The following MRGPRX3 variants were observed in gnomAD, a reference collection of about 807,000 sequenced individuals.
MRGPRX3 encodes the protein mas-related G protein-coupled receptor member X3.
Under a neutral mutation model 16.5 loss-of-function variants are expected in MRGPRX3, and 14 were observed. That is an observed-to-expected ratio of 0.85 (90% CI 0.56 to 1.33). The LOEUF (loss-of-function observed/expected upper bound fraction) is 1.33. Ranked by LOEUF, MRGPRX3 falls within the 40% of genes most tolerant of loss-of-function variation. MRGPRX3 has a pLI of 0.00. For synonymous variants in MRGPRX3, 199 were observed against 180.1 expected (o/e 1.10, Z -0.84); for missense variants, 449 against 413.0 (o/e 1.09, Z -0.76).
At chr11:18,131,925 G>A (rs1232986137), upstream of MRGPRX3, among the ~76,000 whole-genome samples, 6 of 152,186 alleles carry the variant, frequency 3.9e-5, no homozygotes, top group Admixed American at 2.6e-4. Flanking sequence ...GAAGAGAGGC[G>A]AGGGATAAAA....
At position 18,137,872 on chromosome 11, in the gene MRGPRX3, GTCT is replaced by G; in HGVS notation, c.673_675del (p.Phe225del). 6.2e-7 allele frequency: 1 copy of G among 1,614,178 alleles called. No individual in the cohort carries two copies. The highest frequency in any genetic ancestry group is 8.5e-7 in the Non-Finnish European group (1 of 1,180,034). On this transcript the variant is annotated inframe_deletion, in exon 2 of 2. Transcript: ENST00000621697. The stretch of plus-strand genomic sequence containing the variant: ...CGTGACCATCCTCCTCACAGTGCTG[GTCT>G]TCCTCCTCTGTGGCCTGCCCTTTGG...
At position 18,137,264 on chromosome 11, in the gene MRGPRX3, C is replaced by A; in HGVS notation, c.62C>A (p.Thr21Asn). The change falls in exon 2 of 2, where the codon ACT (threonine) becomes AAT (asparagine). Residue 21 changes from threonine (T) to asparagine (N), a missense_variant. Physicochemically the swap from Thr to Asn is moderately conservative, Grantham distance 65. Transcript: ENST00000621697. ...ACACCAATCAACGGACGTGAGGAGA[C>A]TCCTTGCTACAAGCAGACCCTGAGC... ...ELTPINGREE[T>N]PCYKQTLSFT... 1 of 1,613,968 alleles carries A rather than the reference C, an allele frequency of 6.2e-7. No individual in the cohort carries two copies. The highest frequency in any genetic ancestry group is 8.5e-7 in the Non-Finnish European group (1 of 1,179,910).
chr11:18,129,930 A>G (rs1028758252), upstream of MRGPRX3, among the ~76,000 whole-genome samples: 3 of 152,214 alleles, frequency 2.0e-5, no homozygotes, highest in Admixed American at 6.5e-5. Context: ...AACAAAAATC[A>G]CATGATCATC....
rs376981532 is a variant in MRGPRX3, at chr11:18,123,668, C to T, written c.-152+2504C>T. ...TTGGCTTAGGATTGACTTGGCAACGCGGGCTCTTTTTTGCTTCCATATGAA... is the reference window on the plus strand; with the variant it reads ...TTGGCTTAGGATTGACTTGGCAACGTGGGCTCTTTTTTGCTTCCATATGAA... On this transcript the variant is annotated intron_variant, in intron 1 of 2. Transcript: ENST00000396275. 8.5e-4 allele frequency among the ~76,000 whole-genome samples: 129 copies of T among 152,194 alleles called. 1 individual carries two copies. In the Middle Eastern group the frequency reaches 0.01, roughly 12 times the overall value.
At chr11:18,136,183 T>C (rs201639475) in intron 1 of MRGPRX3, among the ~76,000 whole-genome samples, 3 of 152,344 alleles carry the variant, frequency 2.0e-5, no homozygotes, top group African/African-American at 7.2e-5. Flanking sequence ...TTGTGTATAC[T>C]CAGCAGAACA....
chr11:18,137,796 G>A lies in MRGPRX3; in HGVS notation c.594G>A (p.Leu198=), dbSNP rs1363258462. 4 of 1,613,958 alleles carry A rather than the reference G, an allele frequency of 2.5e-6. No homozygotes were observed. Among genetic ancestry groups the A allele is most frequent in the Non-Finnish European group, 3.4e-6 (4 of 1,179,986 alleles). The change falls in exon 2 of 2, where the codon CTG becomes CTA. Residue 198 remains leucine, a synonymous_variant. Transcript: ENST00000621697. Reference sequence around the variant, plus strand: ...TTCTCTGTGGGTCCAGCCTGGTCCTGCTGGTCAGGATTCTCTGTGGATCCC... The same window carrying A: ...TTCTCTGTGGGTCCAGCCTGGTCCTACTGGTCAGGATTCTCTGTGGATCCC... The part of the protein sequence containing the change: ...CVVLCGSSLV[L]LVRILCGSRK...
chr11:18,137,932 C>T lies in MRGPRX3; in HGVS notation c.730C>T (p.Leu244=), dbSNP rs753600301. The T allele has an allele frequency of 2.5e-6, 4 of 1,614,076 alleles. No homozygotes were observed. The highest frequency in any genetic ancestry group is 2.7e-5 in the African/African-American group (2 of 74,922). ...GTGGGCCCTGTTTTCCAGGATCCAC[C>T]TGGATTGGAAAGTCTTATTTTGTCA... is the stretch of plus-strand genomic sequence containing the variant. ...IQWALFSRIH[L]DWKVLFCHVH... Residue 244 remains leucine, a synonymous_variant, in exon 2 of 2, where the codon CTG becomes TTG. Coordinates refer to ENST00000621697, the MANE Select transcript of MRGPRX3 (RefSeq NM_001370464.1).
At chr11:18,131,558 TAAAG>T (rs1848960917), upstream of MRGPRX3, among the ~76,000 whole-genome samples, 1 of 152,174 alleles carries the variant, frequency 6.6e-6, no homozygotes, top group South Asian at 2.1e-4. Context: ...TCTGTGGTGA[TAAAG>T]GAACACTTTT....
At chr11:18,130,670 T>C (rs1349553110), upstream of MRGPRX3, among the ~76,000 whole-genome samples, 1 of 143,596 alleles carries the variant, frequency 7.0e-6, no homozygotes. Context: ...AAAAAAACAA[T>C]TCTAAAATTC....
rs145633342 is a variant in MRGPRX3 at position 18,137,741 on chromosome 11, C to A, written c.539C>A (p.Thr180Lys). Residue 180 changes from threonine (T) to lysine (K), a missense_variant, in exon 2 of 2, where the codon ACA becomes AAA. By Grantham distance (78) the Thr-to-Lys change is moderately conservative. Coordinates refer to ENST00000621697, the MANE Select transcript of MRGPRX3 (RefSeq NM_001370464.1). Reference sequence around the variant, plus strand: ...TGGTGTGAAACGTCAGATTTCATTACAATCGCGTGGCTGGTTTTTTTATGT... The same window carrying A: ...TGGTGTGAAACGTCAGATTTCATTAAAATCGCGTGGCTGGTTTTTTTATGT... ...SVWCETSDFI[T>K]IAWLVFLCVV... The A allele has an allele frequency of 6.2e-7, 1 of 1,614,068 alleles. No individual in the cohort carries two copies. The highest frequency in any genetic ancestry group is 1.7e-5 in the Admixed American group (1 of 60,014).
At chr11:18,124,904 C>T (rs946040955) in intron 1 of MRGPRX3, among the ~76,000 whole-genome samples, 3 of 152,008 alleles carry the variant, frequency 2.0e-5, no homozygotes, top group Non-Finnish European at 2.9e-5. Flanking sequence ...ACTTCTTCTT[C>T]GTTTAGTCTT....
chr11:18,135,363 A>C (rs1390102481), intron 1 of MRGPRX3, among the ~76,000 whole-genome samples: 2 of 152,198 alleles, frequency 1.3e-5, no homozygotes, highest in Non-Finnish European at 2.9e-5. Flanking sequence ...GAGTGTGGAT[A>C]ACAGAGGTTC....
upstream of MRGPRX3, among the ~76,000 whole-genome samples, chr11:18,132,058 T>G (rs552322437): frequency 2.0e-5 from 3 of 152,014 alleles, no homozygotes; most frequent in South Asian, 4.1e-4. Flanking sequence ...CCCAATGAAA[T>G]AAAAATAATA....
At chr11:18,129,939 T>C (rs1848943996), upstream of MRGPRX3, among the ~76,000 whole-genome samples, 1 of 152,200 alleles carries the variant, frequency 6.6e-6, no homozygotes, top group African/African-American at 2.4e-5. Context: ...CACATGATCA[T>C]CTCAATAGAT....
chr11:18,123,262 C>T (rs959840682), intron 1 of MRGPRX3, among the ~76,000 whole-genome samples: 8 of 152,016 alleles, frequency 5.3e-5, no homozygotes, highest in Non-Finnish European at 5.9e-5. Context: ...AGTCCTTGCC[C>T]ATGCCTATGT....
At chr11:18,131,330 A>C (rs1213698364), upstream of MRGPRX3, among the ~76,000 whole-genome samples, 1 of 152,198 alleles carries the variant, frequency 6.6e-6, no homozygotes, top group Non-Finnish European at 1.5e-5. Context: ...ACTCAAACAA[A>C]TCAGCAAGAA....
At chr11:18,128,860 A>G (rs1848931087), upstream of MRGPRX3, among the ~76,000 whole-genome samples, 1 of 152,200 alleles carries the variant, frequency 6.6e-6, no homozygotes, top group South Asian at 2.1e-4. Flanking sequence ...CATTCGTCAG[A>G]TTCTGTGTTG....
intron 1 of MRGPRX3, among the ~76,000 whole-genome samples, chr11:18,135,092 C>T (rs1470479870): frequency 2.0e-5 from 3 of 152,146 alleles, no homozygotes; most frequent in Non-Finnish European, 4.4e-5. Flanking sequence ...GGACCAGGGG[C>T]TGGTATTGGA....
chr11:18,124,952 C>T (rs1029110487), intron 1 of MRGPRX3, among the ~76,000 whole-genome samples: 3 of 152,274 alleles, frequency 2.0e-5, no homozygotes, highest in East Asian at 1.9e-4. Context: ...TCCATTTCTT[C>T]TAGATTTTCT....
Sources: allele counts gnomAD v4.1 joint callset (sites outside exome capture counted in the v4.1 genomes callset), GRCh38; gene constraint gnomAD v4.1.1; transcripts MANE v1.5; gene names NCBI Gene and HGNC (gene_info 2026-07-23, HGNC 2026-07-21).